CORO7: variants seen among roughly 807,000 people sequenced by gnomAD.
CORO7 encodes coronin 7.
Under a neutral mutation model 126.6 loss-of-function variants are expected in CORO7, and 107 were observed. The ratio of observed to expected loss-of-function variants is 0.85; its 90% CI spans 0.72 to 0.99. CORO7 has a LOEUF of 0.99. Among genes scored for constraint, CORO7 ranks in the 50% least tolerant of loss-of-function variants. CORO7 has a pLI of 0.00. For synonymous variants in CORO7, 603 were observed against 536.8 expected (o/e 1.12, Z -1.70); for missense variants, 1,314 against 1,255.8 (o/e 1.05, Z -0.70).
At chr16:4,413,583 G>A (rs1314595405) in intron 1 of CORO7, 179 bp from the exon 2 acceptor site, 2 of 563,656 alleles carry the variant, frequency 3.5e-6, no homozygotes, top group Non-Finnish European at 3.0e-6. Flanking sequence ...TGTCACCCAG[G>A]CTAGAGTGCA....
rs149992847 is a variant in CORO7 at position 4,395,283 on chromosome 16, A to G, written c.615+6T>C. 2.4e-5 allele frequency: 38 copies of G among 1,613,606 alleles called. No individual in the cohort carries two copies. Among genetic ancestry groups the G allele is most frequent in the African/African-American group, 2.1e-4 (16 of 74,872 alleles). On this transcript the variant is annotated splice_donor_region_variant and intron_variant, in intron 7 of 27. Transcript: ENST00000251166. Reference sequence around the variant, plus strand: ...CAACCCACCCCAGCTTGCCCACACAACTCACCTGAGAGGCCCGCGGCTTTG... The same window carrying G: ...CAACCCACCCCAGCTTGCCCACACAGCTCACCTGAGAGGCCCGCGGCTTTG...
Position 4,359,550 on chromosome 16 carries a change from A to T in CORO7, c.2180T>A (p.Leu727Gln), listed in dbSNP as rs754521213. ...CAGCAGGGTTGAGGGAGCCACGTCC[A>T]GGCCCAACACTGCCAAGGGTCCGCC... ...LAGGPLAVLG[L>Q]DVAPSTLLPS... is the part of the protein sequence containing the mutation. Residue 727 changes from leucine (L) to glutamine (Q), a missense_variant, in exon 22 of 28, where the codon CTG becomes CAG. Leu to Gln is a moderately radical substitution (Grantham distance 113). Transcript: ENST00000251166. The T allele has an allele frequency of 6.2e-7, 1 of 1,613,266 alleles. No homozygotes were observed. The highest frequency in any genetic ancestry group is 1.1e-5 in the South Asian group (1 of 91,066).
chr16:4,402,880 G>T (rs913667823), intron 6 of CORO7, among the ~76,000 whole-genome samples: 1 of 152,188 alleles, frequency 6.6e-6, no homozygotes, highest in African/African-American at 2.4e-5. Context: ...CCCAGCTCGG[G>T]AGGCCCCTTC....
At chr16:4,416,148 C>T (rs1355127176) in intron 1 of CORO7, among the ~76,000 whole-genome samples, 1 of 152,086 alleles carries the variant, frequency 6.6e-6, no homozygotes, top group Non-Finnish European at 1.5e-5. Context: ...GGAAGGCAGG[C>T]GGCCTCGCAG....
chr16:4,408,128 C>T, intron 4 of CORO7, 53 bp downstream of exon 4: 2 of 1,613,162 alleles, frequency 1.2e-6, no homozygotes, highest in South Asian at 1.1e-5. Context: ...GCTCAGAAGG[C>T]CCTGGACTAC....
At position 4,388,645 on chromosome 16, in the gene CORO7, G is replaced by A. The variant is rs752750923; in HGVS notation, c.616-14C>T. ...GGCCTGCGTGCTCTGCAGGAGGCAAGAGGTGGACCTGAGCCCCCAGGGCCC... is the reference window on the plus strand; with the variant it reads ...GGCCTGCGTGCTCTGCAGGAGGCAAAAGGTGGACCTGAGCCCCCAGGGCCC... On this transcript the variant is annotated splice_polypyrimidine_tract_variant and intron_variant, in intron 7 of 27. Transcript: ENST00000251166. The A allele has an allele frequency of 2.4e-5, 39 of 1,607,296 alleles. No homozygotes were observed. Among genetic ancestry groups the A allele is most frequent in the Non-Finnish European group, 3.2e-5 (38 of 1,178,002 alleles).
At chr16:4,382,561 A>G in intron 9 of CORO7, 1 of 1,593,714 alleles carries the variant, frequency 6.3e-7, no homozygotes, top group African/African-American at 1.3e-5. Context: ...CGTCCACTCC[A>G]ACCACGCCCC....
At chr16:4,396,635 G>C (rs1398202139) in intron 6 of CORO7, among the ~76,000 whole-genome samples, 1 of 152,128 alleles carries the variant, frequency 6.6e-6, no homozygotes, top group Non-Finnish European at 1.5e-5. Flanking sequence ...TCCTTTTTAC[G>C]TCTTAGCACA....
Position 4,360,985 on chromosome 16 carries a change from C to A in CORO7, c.1875G>T (p.Gln625His), listed in dbSNP as rs1449750781. Residue 625 changes from glutamine (Q) to histidine (H), a missense_variant, in exon 19 of 28, where the codon CAG becomes CAT. Transcript: ENST00000251166. ...GCAGCTTCAGCCGATCAGCTCCAGC[C>A]TGAAGGTCCCAGATGCGAACAGTGA... is the stretch of plus-strand genomic sequence containing the variant. ...YDLTVRIWDLQAGADRLKLQG... is the reference protein window; with the variant it reads ...YDLTVRIWDLHAGADRLKLQG... 1.9e-6 allele frequency: 3 copies of A among 1,612,984 alleles called. No homozygotes were observed. In the East Asian group the frequency reaches 6.7e-5, roughly 36 times the overall value.
At chr16:4,400,454 A>G (rs983012732) in intron 6 of CORO7, among the ~76,000 whole-genome samples, 1 of 152,098 alleles carries the variant, frequency 6.6e-6, no homozygotes, top group Non-Finnish European at 1.5e-5. Context: ...ACCAACATGG[A>G]GAAACCCCGT....
At position 4,355,569 on chromosome 16, in the gene CORO7, C is replaced by T. The variant is rs926264764; in HGVS notation, c.2686-197G>A. On this transcript the variant is annotated intron_variant, in intron 26 of 27. Transcript: ENST00000251166. ...CTGCAAGCTCTGCCTCCCGGGTTTA[C>T]ACCACTGTCCTGCCTCAGCCTCCCA... The T allele has an allele frequency of 1.8e-5, 11 of 596,502 alleles. No individual in the cohort carries two copies. In the African/African-American group the frequency reaches 2.1e-4, roughly 11 times the overall value. The allele number at this position is 596,502 out of a possible 1,614,324, so 37.0% of individuals were successfully genotyped here.
intron 3 of CORO7, 79 bp from the exon 4 acceptor site, chr16:4,408,330 G>T: frequency 6.3e-7 from 1 of 1,596,646 alleles, no homozygotes; most frequent in Non-Finnish European, 8.6e-7. Flanking sequence ...GGCTTCCGAG[G>T]TGACACTTTT....
At chr16:4,357,743 C>A in intron 25 of CORO7, 3 of 691,584 alleles carry the variant, frequency 4.3e-6, no homozygotes, top group Non-Finnish European at 4.6e-6. Context: ...CTAGACACCA[C>A]AGTGTGTGCG....
chr16:4,369,340 G>C (rs1183375745), intron 9 of CORO7, among the ~76,000 whole-genome samples: 1 of 152,244 alleles, frequency 6.6e-6, no homozygotes, highest in African/African-American at 2.4e-5. Context: ...GCTGGGTCTG[G>C]GTCTGGAACA....
intron 6 of CORO7, among the ~76,000 whole-genome samples, chr16:4,399,188 A>G (rs2055711258): frequency 6.6e-6 from 1 of 152,234 alleles, no homozygotes; most frequent in Non-Finnish European, 1.5e-5. Flanking sequence ...TTGCACACCC[A>G]TGTTCATAGC....
At chr16:4,387,948 A>C in intron 9 of CORO7, 38 bp downstream of exon 9, 1 of 1,609,752 alleles carries the variant, frequency 6.2e-7, no homozygotes. Context: ...GCCTTGGGTC[A>C]TCAGCCCCCC....
At chr16:4,410,001 G>T (rs1213697127) in intron 3 of CORO7, among the ~76,000 whole-genome samples, 1 of 152,214 alleles carries the variant, frequency 6.6e-6, no homozygotes, top group African/African-American at 2.4e-5. Flanking sequence ...TGCAGCCACA[G>T]TGAGGCTATG....
intron 9 of CORO7, chr16:4,380,764 C>T (rs904406637): frequency 2.4e-6 from 3 of 1,267,434 alleles, no homozygotes; most frequent in Non-Finnish European, 3.2e-6. Context: ...GGTTCTCTTG[C>T]ATTTGGGGGC....
rs923011112 is a variant in CORO7 at position 4,364,171 on chromosome 16, G to C, written c.1275+105C>G. ...ACTGCACTCTAGCTTGGGTGACAGA[G>C]TGAGACACTGTCTCAAAAAAAAAAA... On this transcript the variant is annotated intron_variant, in intron 14 of 27. Coordinates refer to ENST00000251166, the MANE Select transcript of CORO7 (RefSeq NM_024535.5). 34 of 1,372,398 alleles carry C rather than the reference G, an allele frequency of 2.5e-5. No homozygotes were observed. In the South Asian group the frequency reaches 5.4e-4, roughly 22 times the overall value. The allele number at this position is 1,372,398 out of a possible 1,614,324, so 85.0% of individuals were successfully genotyped here. A position where few individuals can be genotyped will look rare whatever the true frequency, so the allele number is the denominator to read the frequency against.
Sources: gnomAD v4.1 joint callset for allele counts (sites outside exome capture counted in the v4.1 genomes callset) on GRCh38, gnomAD v4.1.1 for gene constraint, MANE v1.5 for transcripts, NCBI Gene and HGNC (gene_info 2026-07-23, HGNC 2026-07-21) for gene names.